Variants in CTXND1 observed in about 807,000 individuals in gnomAD.
CTXND1 encodes the protein cortexin domain containing 1.
intron 1 of CTXND1, among the ~76,000 whole-genome samples, chr15:80,217,202 A>G (rs1195063620): frequency 6.6e-6 from 1 of 152,168 alleles, no homozygotes; most frequent in East Asian, 1.9e-4. Context: ...GAATAGCAAC[A>G]TATCAAGCCT....
intron 1 of CTXND1, among the ~76,000 whole-genome samples, chr15:80,244,937 C>T (rs567931857): frequency 5.9e-5 from 9 of 152,148 alleles, no homozygotes; most frequent in Admixed American, 5.9e-4. Context: ...GGAGCTAGTC[C>T]TTGGGTTTTG....
At chr15:80,242,764 T>C (rs1227166412) in intron 1 of CTXND1, among the ~76,000 whole-genome samples, 1 of 152,188 alleles carries the variant, frequency 6.6e-6, no homozygotes, top group Non-Finnish European at 1.5e-5. Flanking sequence ...TGCCCTACAA[T>C]GTGCAGGTGG....
At chr15:80,220,131 TATCTATCTATCTATC>T (rs1358596837) in intron 1 of CTXND1, among the ~76,000 whole-genome samples, 178 of 111,634 alleles carry the variant, frequency 1.6e-3, no homozygotes, top group Non-Finnish European at 2.0e-3. Flanking sequence ...TCTATCTATC[TATCTATCTATCTATC>T]ATCTATCTAT....
At chr15:80,250,172 G>C (rs1893677610) in intron 1 of CTXND1, among the ~76,000 whole-genome samples, 1 of 152,200 alleles carries the variant, frequency 6.6e-6, no homozygotes, top group East Asian at 1.9e-4. Context: ...GTGTGGCCAG[G>C]TAGTGTAAAT....
chr15:80,235,198 C>T (rs1483715507), intron 1 of CTXND1, among the ~76,000 whole-genome samples: 6 of 152,212 alleles, frequency 3.9e-5, no homozygotes, highest in African/African-American at 1.4e-4. Flanking sequence ...GAAAACTGGC[C>T]TCCTGTGTTC....
intron 1 of CTXND1, among the ~76,000 whole-genome samples, chr15:80,243,852 T>C (rs1011614557): frequency 6.6e-6 from 1 of 152,158 alleles, no homozygotes; most frequent in Admixed American, 6.5e-5. Context: ...GCTACCAGCT[T>C]AGATGGTGTA....
chr15:80,245,037 G>C (rs1423028769), intron 1 of CTXND1, among the ~76,000 whole-genome samples: 1 of 152,150 alleles, frequency 6.6e-6, no homozygotes, highest in East Asian at 1.9e-4. Context: ...GGTAAAATAG[G>C]GGTGAGGATT....
At position 80,211,946 on chromosome 15, in the gene CTXND1, A is replaced by C. The variant is rs529345174; in HGVS notation, c.-217-8206T>G. Among the ~76,000 whole-genome samples, 11 of 152,168 alleles carry C rather than the reference A, an allele frequency of 7.2e-5. No homozygotes were observed. The East Asian group carries it at 1.7e-3, about 24-fold the overall frequency. On this transcript the variant is annotated intron_variant, in intron 1 of 2. Coordinates refer to ENST00000560778, the MANE Select transcript of CTXND1 (RefSeq NM_001352888.2). The stretch of plus-strand genomic sequence containing the variant: ...TTTCTTATAGCAGGTCACACTTACA[A>C]CTCCGTAGAAGACTATCCTTAGACT...
intron 1 of CTXND1, among the ~76,000 whole-genome samples, chr15:80,215,089 A>G (rs1435664342): frequency 6.6e-6 from 1 of 152,202 alleles, no homozygotes; most frequent in East Asian, 1.9e-4. Flanking sequence ...AGAAAACCCA[A>G]ATTAAACAAT....
intron 1 of CTXND1, among the ~76,000 whole-genome samples, chr15:80,233,875 C>T (rs185169400): frequency 3.9e-5 from 6 of 152,312 alleles, no homozygotes; most frequent in Non-Finnish European, 7.4e-5. Context: ...ACAGATGACA[C>T]GTTGTGGGTG....
chr15:80,202,980 G>A (rs1893102041), intron 2 of CTXND1, among the ~76,000 whole-genome samples: 1 of 152,142 alleles, frequency 6.6e-6, no homozygotes, highest in Non-Finnish European at 1.5e-5. Context: ...AACTTCTCTG[G>A]GTCCTAATTT....
chr15:80,221,346 T>C (rs1257276197), intron 1 of CTXND1, among the ~76,000 whole-genome samples: 1 of 152,220 alleles, frequency 6.6e-6, no homozygotes, highest in Non-Finnish European at 1.5e-5. Context: ...AGTGAAATAG[T>C]GAATAGTAGG....
At chr15:80,250,235 C>A (rs1381723892) in intron 1 of CTXND1, among the ~76,000 whole-genome samples, 1 of 152,102 alleles carries the variant, frequency 6.6e-6, no homozygotes, top group Non-Finnish European at 1.5e-5. Context: ...ATGGCTGCCT[C>A]TTTCATTAAC....
intron 1 of CTXND1, among the ~76,000 whole-genome samples, chr15:80,245,766 C>T (rs1006560708): frequency 6.6e-6 from 1 of 152,180 alleles, no homozygotes; most frequent in Non-Finnish European, 1.5e-5. Flanking sequence ...TGAAATGCCA[C>T]CTGCCTACCT....
At chr15:80,221,241 A>G (rs1893314719) in intron 1 of CTXND1, among the ~76,000 whole-genome samples, 1 of 152,128 alleles carries the variant, frequency 6.6e-6, no homozygotes, top group Admixed American at 6.5e-5. Flanking sequence ...GAAGATTTAG[A>G]TTTAGAAAAT....
At chr15:80,214,472 A>C (rs1893231862) in intron 1 of CTXND1, among the ~76,000 whole-genome samples, 1 of 152,208 alleles carries the variant, frequency 6.6e-6, no homozygotes, top group Non-Finnish European at 1.5e-5. Context: ...TTTTGACCAC[A>C]AAGTAGTAAA....
intron 1 of CTXND1, among the ~76,000 whole-genome samples, chr15:80,206,632 T>C (rs922011064): frequency 1.3e-5 from 2 of 152,204 alleles, no homozygotes; most frequent in African/African-American, 4.8e-5. Flanking sequence ...TTGTTTACGT[T>C]TGTTCTTTTA....
intron 1 of CTXND1, among the ~76,000 whole-genome samples, chr15:80,221,564 C>CAG (rs543065509): frequency 2.0e-5 from 3 of 152,108 alleles, no homozygotes; most frequent in Non-Finnish European, 4.4e-5. Flanking sequence ...GCCTGGGCGA[C>CAG]AGAGAGAGAC....
chr15:80,232,559 T>A (rs535343808), intron 1 of CTXND1, among the ~76,000 whole-genome samples: 2 of 152,304 alleles, frequency 1.3e-5, no homozygotes, highest in East Asian at 3.9e-4. Flanking sequence ...AGGAGAGTCG[T>A]CCTGGCACAA....
Sources: allele counts gnomAD v4.1 joint callset (sites outside exome capture counted in the v4.1 genomes callset), GRCh38; gene constraint gnomAD v4.1.1; transcripts MANE v1.5; gene names NCBI Gene and HGNC (gene_info 2026-07-23, HGNC 2026-07-21).